ZNF599: variants seen among roughly 807,000 people sequenced by gnomAD.
ZNF599 encodes the protein zinc finger protein 599.
In ZNF599, 10 loss-of-function variants were observed where a neutral mutation model predicts 11.7. That is an observed-to-expected ratio of 0.86 (90% CI 0.53 to 1.45). ZNF599 has a LOEUF of 1.45. Ranked by LOEUF, ZNF599 falls within the 40% of genes most tolerant of loss-of-function variation. ZNF599 has a pLI of 0.00. For missense variants in ZNF599, 688 were observed against 713.6 expected (o/e 0.96, Z 0.41); for synonymous variants, 232 against 253.2 (o/e 0.92, Z 0.79).
upstream of ZNF599, among the ~76,000 whole-genome samples, chr19:34,775,509 C>A (rs1189697630): frequency 1.3e-5 from 2 of 152,050 alleles, no homozygotes; most frequent in Non-Finnish European, 2.9e-5. Flanking sequence ...GTGGGACAGC[C>A]GATTGATATC....
At chr19:34,802,928 G>A in the ZNF599 span, among the ~76,000 whole-genome samples, 1 of 152,200 alleles carries the variant, frequency 6.6e-6, no homozygotes, top group Non-Finnish European at 1.5e-5. Context: ...GAAACTTGGA[G>A]CAACAGACTA....
the ZNF599 span, among the ~76,000 whole-genome samples, chr19:34,790,791 T>C: frequency 6.6e-6 from 1 of 152,138 alleles, no homozygotes; most frequent in Non-Finnish European, 1.5e-5. Flanking sequence ...TATGAGGTGA[T>C]AGATTTAATT....
chr19:34,779,538 G>T, the ZNF599 span: 1 of 452,922 alleles, frequency 2.2e-6, no homozygotes, highest in Non-Finnish European at 4.4e-6. Flanking sequence ...TGAACTCTTT[G>T]GTGTTGAAAG....
Position 34,760,596 on chromosome 19 carries a change from G to A in ZNF599, c.242-37C>T, listed in dbSNP as rs1220892792. The A allele has an allele frequency of 3.3e-6, 5 of 1,535,652 alleles. No individual in the cohort carries two copies. In the East Asian group the frequency reaches 9.0e-5, roughly 28 times the overall value. On this transcript the variant is annotated intron_variant, in intron 3 of 3. Coordinates refer to ENST00000329285, the MANE Select transcript of ZNF599 (RefSeq NM_001007248.3). ...CCAATATAAAAAAAACTGAACATTA[G>A]TGATGTCAACAGAACAAACAAAATC...
chr19:34,769,600 G>C, intron 1 of ZNF599, 45 bp from the exon 2 acceptor site: 1 of 1,594,074 alleles, frequency 6.3e-7, no homozygotes. Flanking sequence ...GAGCTATTAG[G>C]TGAAATTACA....
At chr19:34,799,004 C>T in the ZNF599 span, among the ~76,000 whole-genome samples, 1 of 152,060 alleles carries the variant, frequency 6.6e-6, no homozygotes, top group African/African-American at 2.4e-5. Context: ...GTACTATACA[C>T]AGCACTTTTT....
chr19:34,769,729 C>G (rs898638824), intron 1 of ZNF599, among the ~76,000 whole-genome samples, 174 bp from the exon 2 acceptor site: 1 of 152,150 alleles, frequency 6.6e-6, no homozygotes, highest in Non-Finnish European at 1.5e-5. Context: ...AGATGTGGGA[C>G]AGAAAAGCCT....
At chr19:34,789,038 A>G in the ZNF599 span, among the ~76,000 whole-genome samples, 2 of 152,152 alleles carry the variant, frequency 1.3e-5, no homozygotes, top group African/African-American at 4.8e-5. Flanking sequence ...AGATTTCTTG[A>G]CAGTATTCCT....
At chr19:34,801,537 G>A in the ZNF599 span, among the ~76,000 whole-genome samples, 8 of 152,216 alleles carry the variant, frequency 5.3e-5, no homozygotes, top group Non-Finnish European at 1.2e-4. Context: ...ACAAGTAAGG[G>A]TTTGTATTTG....
the ZNF599 span, among the ~76,000 whole-genome samples, chr19:34,800,586 G>GTTTTTTTTTTTTTTTT: frequency 3.5e-5 from 4 of 112,978 alleles, no homozygotes; most frequent in Non-Finnish European, 5.1e-5. Flanking sequence ...CATTTCCTTT[G>GTTTTTTTTTTTTTTTT]TTTTTTTTTT....
the ZNF599 span, among the ~76,000 whole-genome samples, chr19:34,794,000 G>A: frequency 6.6e-6 from 1 of 152,194 alleles, no homozygotes; most frequent in Non-Finnish European, 1.5e-5. Context: ...TGGACTTACA[G>A]TTCCACATGG....
intron 3 of ZNF599, among the ~76,000 whole-genome samples, chr19:34,762,149 T>C (rs2069117277): frequency 6.6e-6 from 1 of 152,174 alleles, no homozygotes. Flanking sequence ...CTCAGAATTA[T>C]GGTTGGGAAC....
the ZNF599 span, among the ~76,000 whole-genome samples, chr19:34,783,803 A>T: frequency 2.6e-5 from 4 of 152,152 alleles, no homozygotes; most frequent in Non-Finnish European, 5.9e-5. Context: ...ACCATGGGCC[A>T]GTCATTAACT....
chr19:34,771,966 T>G (rs2145466003), intron 1 of ZNF599, among the ~76,000 whole-genome samples: 1 of 152,066 alleles, frequency 6.6e-6, no homozygotes, highest in East Asian at 1.9e-4. Context: ...CCAGGGAAGC[T>G]CTCTCTGAAG....
At chr19:34,777,523 TTA>T (rs1204807013), upstream of ZNF599, among the ~76,000 whole-genome samples, 6 of 117,222 alleles carry the variant, frequency 5.1e-5, no homozygotes, top group East Asian at 6.5e-4. Flanking sequence ...TATTAATATA[TTA>T]TATATAATCT....
At chr19:34,771,271 A>T (rs186251085) in intron 1 of ZNF599, among the ~76,000 whole-genome samples, 8 of 152,252 alleles carry the variant, frequency 5.3e-5, no homozygotes, top group East Asian at 1.9e-4. Flanking sequence ...AATAAATAAA[A>T]AATGTAGGCT....
rs2069105573 is a variant in ZNF599 at position 34,760,455 on chromosome 19, A to C, written c.346T>G (p.Ser116Ala). The C allele has an allele frequency of 1.2e-6, 2 of 1,614,148 alleles. No individual in the cohort carries two copies. The highest frequency in any genetic ancestry group is 2.7e-5 in the African/African-American group (2 of 75,030). The stretch of plus-strand genomic sequence containing the variant: ...TCATCTCTAGCTTGCCCCAACCTGG[A>C]ATCTCTTGAGGATCTCTGTGCCAGA... ...ELLAQRSSRD[S>A]RLGQARDEEK... The change falls in exon 4 of 4, where the codon TCC becomes GCC. Residue 116 changes from serine (S) to alanine (A), a missense_variant. Physicochemically the swap from Ser to Ala is moderately conservative, Grantham distance 99. Transcript: ENST00000329285.
At chr19:34,786,299 C>T in the ZNF599 span, among the ~76,000 whole-genome samples, 30,236 of 152,050 alleles carry the variant, frequency 0.2, 3,167 homozygotes, top group South Asian at 0.36. Flanking sequence ...GACCCCTCCA[C>T]ACCATTCCTT....
At chr19:34,777,260 T>A (rs2069219992), upstream of ZNF599, among the ~76,000 whole-genome samples, 1 of 123,898 alleles carries the variant, frequency 8.1e-6, no homozygotes, top group African/African-American at 3.0e-5. Flanking sequence ...ATATATATTA[T>A]ATATATCCAG....
Sources: gnomAD v4.1 joint callset for allele counts (sites outside exome capture counted in the v4.1 genomes callset) on GRCh38, gnomAD v4.1.1 for gene constraint, MANE v1.5 for transcripts, NCBI Gene and HGNC (gene_info 2026-07-23, HGNC 2026-07-21) for gene names.